The following DLG2 variants were observed in gnomAD, a reference collection of about 807,000 sequenced individuals.
DLG2 encodes the protein discs large MAGUK scaffold protein 2.
DLG2 carries 45 observed loss-of-function variants against 132.5 expected under a neutral mutation model. The observed-to-expected ratio is 0.34, with a 90% CI of 0.27 to 0.44. The LOEUF (loss-of-function observed/expected upper bound fraction) is 0.44. DLG2 is among the 20% of genes least tolerant of loss of function. The pLI, the probability that DLG2 is intolerant of heterozygous loss-of-function variation, is 1.00. For synonymous variants in DLG2, 424 were observed against 419.6 expected (o/e 1.01, Z -0.13); for missense variants, 1,045 against 1,196.9 (o/e 0.87, Z 1.87).
At chr11:84,673,060 G>T (rs2099707632) in intron 6 of DLG2, among the ~76,000 whole-genome samples, 1 of 151,872 alleles carries the variant, frequency 6.6e-6, no homozygotes, top group Admixed American at 6.6e-5. Flanking sequence ...CACCAAGGGG[G>T]AAATTGACCC....
chr11:84,553,568 C>T (rs896901738), intron 6 of DLG2, among the ~76,000 whole-genome samples: 1 of 152,152 alleles, frequency 6.6e-6, no homozygotes, highest in Non-Finnish European at 1.5e-5. Context: ...ACAGTCTACT[C>T]TTAAAGAACG....
intron 12 of DLG2, among the ~76,000 whole-genome samples, chr11:83,969,354 T>C (rs11233866): frequency 0.034 from 5,126 of 152,276 alleles, 126 homozygotes; most frequent in Non-Finnish European, 0.058. Flanking sequence ...CAAAGTATTA[T>C]AAAAGCTTGA....
chr11:85,206,930 T>C (rs952222180), intron 4 of DLG2, among the ~76,000 whole-genome samples: 5 of 152,208 alleles, frequency 3.3e-5, no homozygotes, highest in Non-Finnish European at 4.4e-5. Flanking sequence ...GATTCATTTA[T>C]GTAACTTCAA....
intron 3 of DLG2, among the ~76,000 whole-genome samples, chr11:85,497,996 C>T (rs752183275): frequency 7.9e-5 from 12 of 152,084 alleles, no homozygotes; most frequent in African/African-American, 2.2e-4. Context: ...TAAAGACCAT[C>T]GATGCTATGA....
chr11:85,421,301 T>C (rs897570437), intron 3 of DLG2, among the ~76,000 whole-genome samples: 1 of 152,014 alleles, frequency 6.6e-6, no homozygotes, highest in African/African-American at 2.4e-5. Context: ...CCCAATGAGA[T>C]GAGCTGGGTA....
chr11:84,322,145 A>C (rs1328375812), intron 7 of DLG2, among the ~76,000 whole-genome samples: 1 of 152,240 alleles, frequency 6.6e-6, no homozygotes, highest in Non-Finnish European at 1.5e-5. Flanking sequence ...AGAAGACAAA[A>C]GTATCTTTCA....
At chr11:84,057,122 G>T (rs1484788438) in intron 11 of DLG2, among the ~76,000 whole-genome samples, 2 of 152,056 alleles carry the variant, frequency 1.3e-5, no homozygotes, top group Non-Finnish European at 2.9e-5. Flanking sequence ...AGCAATTACT[G>T]CCCCACTCCG....
intron 6 of DLG2, among the ~76,000 whole-genome samples, chr11:84,889,853 C>T (rs989011986): frequency 4.6e-5 from 7 of 152,140 alleles, no homozygotes; most frequent in African/African-American, 1.7e-4. Context: ...TAGAGACCTA[C>T]AAAAGTCTCG....
At chr11:85,444,730 T>G (rs1034860335) in intron 3 of DLG2, among the ~76,000 whole-genome samples, 12 of 151,498 alleles carry the variant, frequency 7.9e-5, no homozygotes, top group African/African-American at 2.4e-4. Flanking sequence ...CAGCTACCTG[T>G]TATAGGCTTC....
At chr11:85,088,189 A>G (rs2068240854) in intron 6 of DLG2, among the ~76,000 whole-genome samples, 1 of 152,170 alleles carries the variant, frequency 6.6e-6, no homozygotes, top group Admixed American at 6.5e-5. Context: ...TAAGGGAAAA[A>G]AAGTCATTAA....
At chr11:84,515,276 T>TACACACAC (rs142638064) in intron 7 of DLG2, among the ~76,000 whole-genome samples, 49 of 141,934 alleles carry the variant, frequency 3.5e-4, no homozygotes, top group African/African-American at 1.1e-3. Flanking sequence ...TGAACTTAAA[T>TACACACAC]ACACACACAC....
chr11:85,111,644 G>C lies in DLG2; in HGVS notation c.357+17C>G. ...ATTTATCCTTCAATCTGCTAATCTT[G>C]GAATAATCAAACTTACAGTACAGTG... On this transcript the variant is annotated intron_variant, in intron 6 of 27. Coordinates refer to ENST00000376104, the MANE Select transcript of DLG2 (RefSeq NM_001142699.3). 6.5e-7 allele frequency: 1 copy of C among 1,537,284 alleles called. No individual in the cohort carries two copies. Among genetic ancestry groups the C allele is most frequent in the Non-Finnish European group, 8.8e-7 (1 of 1,137,796 alleles).
intron 10 of DLG2, among the ~76,000 whole-genome samples, chr11:84,074,372 G>A (rs2154147368): frequency 6.6e-6 from 1 of 152,070 alleles, no homozygotes; most frequent in Non-Finnish European, 1.5e-5. Context: ...GTAGCTTCTA[G>A]CTACAATATC....
intron 11 of DLG2, among the ~76,000 whole-genome samples, chr11:84,053,550 C>G (rs1478095637): frequency 2.0e-5 from 3 of 151,824 alleles, no homozygotes; most frequent in African/African-American, 7.3e-5. Context: ...TTCTTTATTT[C>G]CCCTTCTGCC....
At chr11:83,763,859 T>C (rs1328941068) in intron 18 of DLG2, among the ~76,000 whole-genome samples, 1 of 152,236 alleles carries the variant, frequency 6.6e-6, no homozygotes, top group East Asian at 1.9e-4. Flanking sequence ...CCTTCTTCTC[T>C]CACTGGTCCT....
intron 4 of DLG2, among the ~76,000 whole-genome samples, chr11:85,195,916 T>C (rs923816251): frequency 1.4e-4 from 21 of 152,206 alleles, no homozygotes; most frequent in Non-Finnish European, 5.9e-5. Flanking sequence ...TAAAATTTCA[T>C]ATACTTTGGT....
intron 7 of DLG2, among the ~76,000 whole-genome samples, chr11:84,291,868 G>A (rs891300989): frequency 6.6e-6 from 1 of 152,032 alleles, no homozygotes; most frequent in African/African-American, 2.4e-5. Flanking sequence ...ATTTAGTAGG[G>A]AATCATCAAA....
intron 3 of DLG2, among the ~76,000 whole-genome samples, chr11:85,441,659 G>A (rs2091782713): frequency 1.3e-5 from 2 of 152,154 alleles, no homozygotes; most frequent in African/African-American, 4.8e-5. Flanking sequence ...TTCACAAAAA[G>A]AGAATTAAAT....
At chr11:85,072,949 G>A (rs762104003) in intron 6 of DLG2, among the ~76,000 whole-genome samples, 1 of 151,734 alleles carries the variant, frequency 6.6e-6, no homozygotes, top group Non-Finnish European at 1.5e-5. Context: ...ACAACCTAAT[G>A]CATTCAAAAT....
Sources: allele counts gnomAD v4.1 joint callset (sites outside exome capture counted in the v4.1 genomes callset), GRCh38; gene constraint gnomAD v4.1.1; transcripts MANE v1.5; gene names NCBI Gene and HGNC (gene_info 2026-07-23, HGNC 2026-07-21).